The following IGDCC4 variants were observed in gnomAD, a reference collection of about 807,000 sequenced individuals.
The protein encoded by IGDCC4 is immunoglobulin superfamily DCC subclass member 4.
Under a neutral mutation model 116.6 loss-of-function variants are expected in IGDCC4, and 72 were observed. The observed-to-expected ratio is 0.62, with a 90% CI of 0.51 to 0.75. The LOEUF (loss-of-function observed/expected upper bound fraction) is 0.75, where lower values mean the gene tolerates loss of function less well. IGDCC4 is among the 30% of genes least tolerant of loss of function. The pLI, the probability that IGDCC4 is intolerant of heterozygous loss-of-function variation, is 0.00. For synonymous variants in IGDCC4, 709 were observed against 719.9 expected, an observed-to-expected ratio of 0.98 and a Z score of 0.24; for missense variants, 1,501 against 1,662.4, an observed-to-expected ratio of 0.90 and a Z score of 1.69.
At chr15:65,400,975 C>A (rs1051381691) in intron 4 of IGDCC4, 29 bp from the exon 5 acceptor site, 6 of 1,613,716 alleles carry the variant, frequency 3.7e-6, no homozygotes, top group Non-Finnish European at 5.1e-6. Flanking sequence ...AGCAGGCAGC[C>A]TTACCATTAG....
At chr15:65,413,636 T>C (rs2063118210) in intron 1 of IGDCC4, among the ~76,000 whole-genome samples, 2 of 152,346 alleles carry the variant, frequency 1.3e-5, no homozygotes, top group Non-Finnish European at 2.9e-5. Context: ...GCTGCCTCCT[T>C]GTCTTATAAA....
At chr15:65,390,970 C>T (rs137858571) in intron 12 of IGDCC4, among the ~76,000 whole-genome samples, 19 of 152,280 alleles carry the variant, frequency 1.2e-4, no homozygotes, top group Non-Finnish European at 2.2e-4. Flanking sequence ...TGGTGGCTCA[C>T]ACCTGTAATC....
At chr15:65,397,196 A>G (rs1383608452) in intron 5 of IGDCC4, among the ~76,000 whole-genome samples, 1 of 152,184 alleles carries the variant, frequency 6.6e-6, no homozygotes, top group Admixed American at 6.5e-5. Context: ...CAGGGTTTCC[A>G]TGAGGATTGA....
chr15:65,408,927 T>C (rs2063064028), intron 3 of IGDCC4, among the ~76,000 whole-genome samples: 1 of 150,824 alleles, frequency 6.6e-6, no homozygotes, highest in African/African-American at 2.4e-5. Context: ...CACTGTAGCC[T>C]GAACCTCCAA....
At chr15:65,411,499 C>T in intron 1 of IGDCC4, 129 bp from the exon 2 acceptor site, 2 of 726,468 alleles carry the variant, frequency 2.8e-6, no homozygotes, top group East Asian at 5.7e-5. Flanking sequence ...TCCTGGCTCT[C>T]CCCTTACTAA....
At chr15:65,396,701 A>T in intron 6 of IGDCC4, 133 bp downstream of exon 6, 2 of 1,148,886 alleles carry the variant, frequency 1.7e-6, no homozygotes, top group Non-Finnish European at 2.4e-6. Context: ...CCGCCTTACT[A>T]GGGACTCCTC....
At chr15:65,395,032 G>T in intron 8 of IGDCC4, 62 bp downstream of exon 8, 1 of 1,525,424 alleles carries the variant, frequency 6.6e-7, no homozygotes, top group Non-Finnish European at 8.9e-7. Flanking sequence ...GAGAGGGTGA[G>T]CTCCCCTCCC....
rs1595773010 is a variant in IGDCC4, at chr15:65,384,208, C to T, written c.3554G>A (p.Gly1185Glu). Reference sequence around the variant, plus strand: ...CCCGGGGGCTGCCAGCTCACACCCTCCCAACTCCCTGTCCAGCCAGGCTGC... The same window carrying T: ...CCCGGGGGCTGCCAGCTCACACCCTTCCAACTCCCTGTCCAGCCAGGCTGC... ...QGAAWLDREL[G>E]GCELAAPGPD... is the part of the protein sequence containing the mutation. The change falls in exon 20 of 20, where the codon GGA (glycine) becomes GAA (glutamate). Residue 1185 changes from glycine (G) to glutamate (E), a missense_variant. Around this residue, in one of 3 missense-constraint regions of IGDCC4, gnomAD observed 368 missense variants for 355.6 expected, o/e 1.03. Coordinates refer to ENST00000352385, the MANE Select transcript of IGDCC4 (RefSeq NM_020962.3). The surrounding 1 kb of genome is among the most constrained non-coding windows in gnomAD (Gnocchi z 4.9). 1 of 1,607,064 alleles carries T rather than the reference C, an allele frequency of 6.2e-7. No homozygotes were observed. Among genetic ancestry groups the T allele is most frequent in the East Asian group, 2.2e-5 (1 of 44,664 alleles).
At chr15:65,402,200 C>A (rs752181781) in intron 4 of IGDCC4, 151 bp downstream of exon 4, 72 of 912,484 alleles carry the variant, frequency 7.9e-5, no homozygotes, top group Admixed American at 2.6e-4. Context: ...GGTGGCAGTA[C>A]CCTCTCTGGG....
rs34633461 is a variant in IGDCC4, at chr15:65,395,152, G to A, written c.1518C>T (p.Tyr506=). 2,053 of 1,613,952 alleles carry A rather than the reference G, an allele frequency of 1.3e-3. 23 individuals carry two copies. In the African/African-American group the frequency reaches 0.023, roughly 18 times the overall value. Residue 506 remains tyrosine, a synonymous_variant, in exon 8 of 20, where the codon TAC becomes TAT. Coordinates refer to ENST00000352385, the MANE Select transcript of IGDCC4 (RefSeq NM_020962.3). ...AGGTGCGGCTGGCTCCCAGCTGGGA[G>A]TAGGCCACCACGTAGAACTCATAAT... ...NTDYEFYVVA[Y]SQLGASRTST...
At position 65,402,431 on chromosome 15, in the gene IGDCC4, G is replaced by GCCTAC; in HGVS notation, c.619_620insGTAGG (p.Ala207GlyfsTer58). On this transcript the variant is annotated frameshift_variant, in exon 4 of 20. Coordinates refer to ENST00000352385, the MANE Select transcript of IGDCC4 (RefSeq NM_020962.3). LOFTEE classifies it high-confidence loss of function. Reference sequence around the variant, plus strand: ...GGTGGCCACGCAGCGGTAGGGGCCTGCATCACTCTCCTGAACATCCAGGAT... The same window carrying GCCTAC: ...GGTGGCCACGCAGCGGTAGGGGCCTGCCTACCATCACTCTCCTGAACATCCAGGAT... 6.4e-7 allele frequency: 1 copy of GCCTAC among 1,567,144 alleles called. No homozygotes were observed.
chr15:65,402,441 C>T lies in IGDCC4; in HGVS notation c.610G>A (p.Glu204Lys). ...CAGCGGTAGGGGCCTGCATCACTCTCCTGAACATCCAGGATCTGAAGGACG... is the reference window on the plus strand; with the variant it reads ...CAGCGGTAGGGGCCTGCATCACTCTTCTGAACATCCAGGATCTGAAGGACG... ...NGVLQILDVQ[E>K]SDAGPYRCVA... is the part of the protein sequence containing the mutation. Residue 204 changes from glutamate (E) to lysine (K), a missense_variant, in exon 4 of 20, where the codon GAG (glutamate) becomes AAG (lysine). Physicochemically the swap from Glu to Lys is moderately conservative, Grantham distance 56. Coordinates refer to ENST00000352385, the MANE Select transcript of IGDCC4 (RefSeq NM_020962.3). The T allele has an allele frequency of 6.4e-7, 1 of 1,566,726 alleles. No homozygotes were observed. The highest frequency in any genetic ancestry group is 1.7e-4 in the Middle Eastern group (1 of 6,004).
intron 12 of IGDCC4, among the ~76,000 whole-genome samples, chr15:65,390,758 AATAG>A (rs560429290): frequency 2.0e-5 from 3 of 152,348 alleles, no homozygotes; most frequent in East Asian, 3.9e-4. Context: ...ATATTTTAAA[AATAG>A]ATAGGAAATT....
At chr15:65,390,486 G>A in intron 12 of IGDCC4, 148 bp from the exon 13 acceptor site, 1 of 546,160 alleles carries the variant, frequency 1.8e-6, no homozygotes, top group Non-Finnish European at 3.0e-6. Context: ...TCACAGATAA[G>A]GCAATTGAGG....
chr15:65,387,691 T>C (rs1203083753), intron 16 of IGDCC4, among the ~76,000 whole-genome samples: 1 of 151,986 alleles, frequency 6.6e-6, no homozygotes, highest in Non-Finnish European at 1.5e-5. Flanking sequence ...ATAGCACCTT[T>C]TCATTCTGCA....
rs764188470 is a variant in IGDCC4 at position 65,384,948 on chromosome 15, G to A, written c.3342+6C>T. 3 of 1,607,918 alleles carry A rather than the reference G, an allele frequency of 1.9e-6. No individual in the cohort carries two copies. Among genetic ancestry groups the A allele is most frequent in the Admixed American group, 3.4e-5 (2 of 59,198 alleles). ...CTTTCCTGCCCCTTCCTTCCAGGAC[G>A]CTGACCTTTATGGCGTCGTACACCA... On this transcript the variant is annotated splice_donor_region_variant and intron_variant, in intron 19 of 19. Transcript: ENST00000352385. This position sits in a 1 kb window ranked among gnomAD's most constrained non-coding sequence, Gnocchi z 4.9.
At position 65,392,250 on chromosome 15, in the gene IGDCC4, C is replaced by T. The variant is rs1317421398; in HGVS notation, c.2006G>A (p.Gly669Glu). ...ATCGCCATTGGCCTCCTCCTCAGCC[C>T]CCACCTCCCGCCAATATAGTTTGTA... ...SGYKLYWREV[G>E]AEEEANGDRL... is the part of the protein sequence containing the mutation. The change falls in exon 11 of 20, where the codon GGG becomes GAG. Residue 669 changes from glycine (G) to glutamate (E), a missense_variant. Coordinates refer to ENST00000352385, the MANE Select transcript of IGDCC4 (RefSeq NM_020962.3). The T allele has an allele frequency of 1.2e-6, 2 of 1,611,972 alleles. No homozygotes were observed. The highest frequency in any genetic ancestry group is 2.2e-5 in the East Asian group (1 of 44,868).
Position 65,396,140 on chromosome 15 carries a change from G to A in IGDCC4, c.1021C>T (p.Pro341Ser). 6.8e-7 allele frequency: 1 copy of A among 1,475,294 alleles called. No individual in the cohort carries two copies. Among genetic ancestry groups the A allele is most frequent in the Non-Finnish European group, 8.9e-7 (1 of 1,120,014 alleles). The allele number at this position is 1,475,294 out of a possible 1,614,324, so 91.4% of individuals were successfully genotyped here. A position where few individuals can be genotyped will look rare whatever the true frequency, so the allele number is the denominator to read the frequency against. ...GCCCGCGTCCGCGACAGCGCCTCGGGCGCCTGAGTGATGGCGGGAGCCGCT... is the reference window on the plus strand; with the variant it reads ...GCCCGCGTCCGCGACAGCGCCTCGGACGCCTGAGTGATGGCGGGAGCCGCT... The part of the protein sequence containing the change: ...VLAAPAITQA[P>S]EALSRTRAST... Residue 341 changes from proline (P) to serine (S), a missense_variant, in exon 7 of 20, where the codon CCC becomes TCC. Pro to Ser is a moderately conservative substitution (Grantham distance 74). Transcript: ENST00000352385.
intron 3 of IGDCC4, among the ~76,000 whole-genome samples, chr15:65,406,125 G>A (rs1284874838): frequency 6.6e-6 from 1 of 152,214 alleles, no homozygotes; most frequent in Non-Finnish European, 1.5e-5. Context: ...TGAGTGAATG[G>A]CGATAACAAA....
Sources: gnomAD v4.1 joint callset for allele counts (sites outside exome capture counted in the v4.1 genomes callset) on GRCh38, gnomAD v4.1.1 for gene constraint, gnomAD v4.1.1 regional missense constraint, Gnocchi (gnomAD v3.1) non-coding constraint, MANE v1.5 for transcripts, NCBI Gene and HGNC (gene_info 2026-07-23, HGNC 2026-07-21) for gene names.